The following PCDH15 variants were observed in gnomAD, a reference collection of about 807,000 sequenced individuals.
PCDH15 encodes the protein protocadherin-15.
In PCDH15, 129 loss-of-function variants were observed where a neutral mutation model predicts 178.5. That is an observed-to-expected ratio of 0.72 (90% CI 0.63 to 0.84). The LOEUF (loss-of-function observed/expected upper bound fraction) is 0.84, where lower values mean the gene tolerates loss of function less well. PCDH15 is among the 40% of genes least tolerant of loss of function. The probability of loss-of-function intolerance (pLI) is 0.00; values close to 1 mark genes in which losing one functional copy is unlikely to be tolerated. For synonymous variants in PCDH15, 800 were observed against 732.0 expected, an observed-to-expected ratio of 1.09 and a Z score of -1.50; for missense variants, 2,230 against 2,099.9, an observed-to-expected ratio of 1.06 and a Z score of -1.21.
Position 54,988,571 on chromosome 10 carries a change from G to A in PCDH15, c.-79-91071C>T, listed in dbSNP as rs549087117. ...CTGGAGCAAAGGTGACTCTTGTTAT[G>A]TTTTAGCAAAGAGACTGGCAGCATT... On this transcript the variant is annotated intron_variant, in intron 2 of 5. Transcript: ENST00000458638. 4.6e-5 allele frequency among the ~76,000 whole-genome samples: 7 copies of A among 152,278 alleles called. 1 individual carries two copies. Among genetic ancestry groups the A allele is most frequent in the African/African-American group, 1.7e-4 (7 of 41,572 alleles).
chr10:54,074,223 A>T lies in PCDH15; in HGVS notation c.2091+5108T>A, dbSNP rs114034540. Among the ~76,000 whole-genome samples the T allele has an allele frequency of 3.8e-3, 575 of 152,318 alleles. 2 individuals are homozygous for T. The highest frequency in any genetic ancestry group is 0.013 in the African/African-American group (545 of 41,572). On this transcript the variant is annotated intron_variant, in intron 17 of 37. Transcript: ENST00000644397. ...TTTGTTTGTACTATCTCAATTTTTA[A>T]ATGTAAAATGTTGTGGTATTAAGTA...
chr10:53,855,121 A>C (rs2078638100), intron 28 of PCDH15, among the ~76,000 whole-genome samples: 2 of 152,070 alleles, frequency 1.3e-5, no homozygotes, highest in African/African-American at 4.8e-5. Flanking sequence ...TCAAGTGTCT[A>C]CTATATAACT....
intron 8 of PCDH15, among the ~76,000 whole-genome samples, chr10:54,296,792 G>A (rs2059821987): frequency 6.6e-6 from 1 of 152,106 alleles, no homozygotes; most frequent in Non-Finnish European, 1.5e-5. Flanking sequence ...TATAAGTGAG[G>A]ACAAAAGGCA....
intron 8 of PCDH15, among the ~76,000 whole-genome samples, chr10:54,291,798 A>G (rs773024972): frequency 1.5e-4 from 23 of 152,222 alleles, no homozygotes; most frequent in Non-Finnish European, 1.6e-4. Flanking sequence ...GAATAGACCA[A>G]TAACAGGATC....
chr10:55,543,483 T>C (rs1463666324), intron 2 of PCDH15, among the ~76,000 whole-genome samples: 3 of 151,348 alleles, frequency 2.0e-5, no homozygotes, highest in African/African-American at 7.3e-5. Flanking sequence ...TTAGCTAATC[T>C]ACTTAATATG....
At chr10:54,118,566 A>C (rs1413706744) in intron 15 of PCDH15, among the ~76,000 whole-genome samples, 1 of 152,144 alleles carries the variant, frequency 6.6e-6, no homozygotes, top group African/African-American at 2.4e-5. Flanking sequence ...AGGCTGAGTC[A>C]GGAGAATGGC....
intron 2 of PCDH15, among the ~76,000 whole-genome samples, chr10:54,643,607 G>C: frequency 6.6e-6 from 1 of 151,932 alleles, no homozygotes; most frequent in Non-Finnish European, 1.5e-5. Flanking sequence ...TGTTTAAAAA[G>C]TGTTACTTTT....
At chr10:54,469,533 T>C (rs1355984291) in intron 3 of PCDH15, among the ~76,000 whole-genome samples, 1 of 152,188 alleles carries the variant, frequency 6.6e-6, no homozygotes, top group African/African-American at 2.4e-5. Context: ...CAGGTGGTGG[T>C]GAAGTCTTGC....
intron 13 of PCDH15, among the ~76,000 whole-genome samples, chr10:54,156,961 G>A (rs957808440): frequency 1.3e-5 from 2 of 152,180 alleles, no homozygotes; most frequent in Non-Finnish European, 2.9e-5. Context: ...CTCACATCCA[G>A]GTCATGCTGA....
At chr10:54,621,800 G>A (rs531745960) in intron 2 of PCDH15, among the ~76,000 whole-genome samples, 2 of 151,934 alleles carry the variant, frequency 1.3e-5, no homozygotes, top group Non-Finnish European at 2.9e-5. Context: ...AAAAATGTGG[G>A]CAGGAAGAAA....
intron 8 of PCDH15, among the ~76,000 whole-genome samples, chr10:54,279,530 A>G (rs2058550590): frequency 6.6e-6 from 1 of 151,620 alleles, no homozygotes; most frequent in South Asian, 2.1e-4. Context: ...GATAACAAGA[A>G]AACTACTTTA....
chr10:54,369,357 T>C, intron 4 of PCDH15, 82 bp from the exon 5 acceptor site: 1 of 1,212,482 alleles, frequency 8.2e-7, no homozygotes, highest in Non-Finnish European at 1.2e-6. Flanking sequence ...GTTCATTCAG[T>C]ACATTTTTCT....
At chr10:54,166,901 G>T (rs930991388) in intron 13 of PCDH15, among the ~76,000 whole-genome samples, 3 of 152,092 alleles carry the variant, frequency 2.0e-5, no homozygotes, top group African/African-American at 4.8e-5. Context: ...GGCTCAAAAA[G>T]CACCTCCACT....
chr10:55,595,762 A>C (rs1253698424), intron 2 of PCDH15, among the ~76,000 whole-genome samples: 1 of 152,094 alleles, frequency 6.6e-6, no homozygotes, highest in African/African-American at 2.4e-5. Context: ...TCCTGTAAAT[A>C]TTAGAGTATG....
chr10:54,708,915 C>G (rs1459195119), intron 1 of PCDH15, among the ~76,000 whole-genome samples: 1 of 151,914 alleles, frequency 6.6e-6, no homozygotes, highest in Admixed American at 6.6e-5. Flanking sequence ...AAAAAGGAAA[C>G]AAAATATCAG....
At chr10:54,792,180 CAA>C (rs1338993115) in intron 1 of PCDH15, among the ~76,000 whole-genome samples, 1 of 151,962 alleles carries the variant, frequency 6.6e-6, no homozygotes, top group Non-Finnish European at 1.5e-5. Context: ...TTACTCTAAA[CAA>C]AGGACCAGAA....
intron 25 of PCDH15, among the ~76,000 whole-genome samples, chr10:53,918,202 T>C (rs1481464333): frequency 6.6e-6 from 1 of 152,208 alleles, no homozygotes; most frequent in African/African-American, 2.4e-5. Flanking sequence ...AGAGTTTCTC[T>C]ACATTAGACA....
At chr10:55,290,908 T>C (rs11004798) in intron 1 of PCDH15, among the ~76,000 whole-genome samples, 5,966 of 152,174 alleles carry the variant, frequency 0.039, 157 homozygotes, top group East Asian at 0.093. Context: ...GAACGGTAGA[T>C]TGTTAACAGT....
At chr10:54,904,560 G>T (rs1329978985) in intron 2 of PCDH15, among the ~76,000 whole-genome samples, 1 of 151,886 alleles carries the variant, frequency 6.6e-6, no homozygotes, top group East Asian at 1.9e-4. Flanking sequence ...CTACTAAGTT[G>T]CATTTACAAT....
Sources: gnomAD v4.1 joint callset for allele counts (sites outside exome capture counted in the v4.1 genomes callset) on GRCh38, gnomAD v4.1.1 for gene constraint, MANE v1.5 for transcripts, NCBI Gene and HGNC (gene_info 2026-07-23, HGNC 2026-07-21) for gene names.